MYO1H: variants seen among roughly 807,000 people sequenced by gnomAD.
MYO1H encodes unconventional myosin-Ih.
A neutral mutation model predicts 149.3 loss-of-function variants in MYO1H; 118 were observed. The observed-to-expected ratio is 0.79, with a 90% CI of 0.68 to 0.92. The LOEUF (loss-of-function observed/expected upper bound fraction) is 0.92. Among genes scored for constraint, MYO1H ranks in the 40% least tolerant of loss-of-function variants. The pLI, the probability that MYO1H is intolerant of heterozygous loss-of-function variation, is 0.00. For synonymous variants in MYO1H, 447 were observed against 465.2 expected, an observed-to-expected ratio of 0.96 and a Z score of 0.50; for missense variants, 1,212 against 1,280.7, an observed-to-expected ratio of 0.95 and a Z score of 0.82.
At chr12:109,349,390 T>TG (rs1385990956) in intron 1 of MYO1H, among the ~76,000 whole-genome samples, 2 of 152,080 alleles carry the variant, frequency 1.3e-5, no homozygotes, top group Non-Finnish European at 2.9e-5. Flanking sequence ...GGGCTGGGCA[T>TG]GGTGGCTTGT....
At position 109,445,580 on chromosome 12, in the gene MYO1H, G is replaced by C. The variant is rs539128825; in HGVS notation, c.3061G>C (p.Val1021Leu). The C allele has an allele frequency of 1.5e-4, 242 of 1,612,820 alleles. No homozygotes were observed. In the South Asian group the frequency reaches 2.5e-3, roughly 17 times the overall value. The change falls in exon 31 of 32, where the codon GTC becomes CTC. Residue 1021 changes from valine to leucine, a missense_variant. Coordinates refer to ENST00000310903, the Ensembl canonical transcript of MYO1H. ...TTTCGACACTGGACTGGAAGAACAA[G>C]TCTATAAAAATAAAAATGGACAATT...
At chr12:109,342,294 G>A in the MYO1H span, among the ~76,000 whole-genome samples, 22 of 151,330 alleles carry the variant, frequency 1.5e-4, no homozygotes, top group Non-Finnish European at 2.2e-4. Flanking sequence ...ACAGGCATGC[G>A]CCACCACGCT....
At chr12:109,364,171 T>TA (rs746308903) in intron 1 of MYO1H, among the ~76,000 whole-genome samples, 1,775 of 90,250 alleles carry the variant, frequency 0.02, 48 homozygotes, top group Middle Eastern at 0.029. Flanking sequence ...ACCATGTCTT[T>TA]AAAAAAAAAA....
rs372992926 is a variant in MYO1H, at chr12:109,414,331, G to T, written c.1503-1195G>T. On this transcript the variant is annotated intron_variant, in intron 14 of 31. Coordinates refer to ENST00000310903, the Ensembl canonical transcript of MYO1H. ...TCTCCACTAAAAATCCAAAAAATTA[G>T]CCAGGTGTGGTGGCTTACGCCTGTA... Among the ~76,000 whole-genome samples, 4 of 151,920 alleles carry T rather than the reference G, an allele frequency of 2.6e-5. No individual in the cohort carries two copies. In the South Asian group the frequency reaches 6.2e-4, roughly 24 times the overall value.
intron 19 of MYO1H, among the ~76,000 whole-genome samples, chr12:109,430,123 A>ACGAT (rs141680333): frequency 2.0e-4 from 30 of 152,326 alleles, no homozygotes; most frequent in Non-Finnish European, 3.4e-4. Context: ...GGGGACACAG[A>ACGAT]CGATCAGTCC....
At chr12:109,380,270 A>G (rs1007291449) in intron 1 of MYO1H, among the ~76,000 whole-genome samples, 2 of 152,210 alleles carry the variant, frequency 1.3e-5, no homozygotes, top group African/African-American at 2.4e-5. Flanking sequence ...AACAGGAGCT[A>G]GGTCTCTGAA....
chr12:109,412,518 G>T (rs1200211967), intron 14 of MYO1H, among the ~76,000 whole-genome samples: 1 of 152,026 alleles, frequency 6.6e-6, no homozygotes, highest in Admixed American at 6.6e-5. Flanking sequence ...ATTATATTTT[G>T]GACATGTCTA....
chr12:109,443,105 T>TATATGTGTGTATATATGTGTAC (rs1491566912), intron 27 of MYO1H, among the ~76,000 whole-genome samples: 3,574 of 53,028 alleles, frequency 0.067, 950 homozygotes, highest in Non-Finnish European at 0.092. Context: ...TATGTGTACG[T>TATATGTGTGTATATATGTGTAC]ATATGTGTGT....
At chr12:109,438,757 G>A in intron 23 of MYO1H, 137 bp downstream of exon 23, 1 of 655,342 alleles carries the variant, frequency 1.5e-6, no homozygotes, top group Non-Finnish European at 2.7e-6. Flanking sequence ...ATGCCATTAG[G>A]AATTCAGGTC....
intron 13 of MYO1H, 35 bp downstream of exon 13, chr12:109,410,803 C>T (rs1388763689): frequency 5.2e-6 from 7 of 1,351,302 alleles, no homozygotes; most frequent in Non-Finnish European, 7.3e-6. Context: ...GAGCTATTCA[C>T]CCGGCACTTA....
exon 17 of MYO1H, chr12:109,424,751 C>T (rs1281034597): frequency 2.5e-6 from 4 of 1,613,278 alleles, no homozygotes; most frequent in South Asian, 1.1e-5. Flanking sequence ...CTTACAGGTG[C>T]TGTGCAAGTC....
intron 1 of MYO1H, among the ~76,000 whole-genome samples, chr12:109,371,213 C>CTT (rs34350111): frequency 0.24 from 27,904 of 118,042 alleles, 3,679 homozygotes; most frequent in Admixed American, 0.33. Context: ...TTTTTTCTTT[C>CTT]TTTTTTTTTT....
rs554917998 is a variant in MYO1H, at chr12:109,403,972, T to C, written c.751-10T>C. On this transcript the variant is annotated splice_polypyrimidine_tract_variant and intron_variant, in intron 6 of 31. Transcript: ENST00000310903. ...AATGACATTAAGTGACTCAAACTTT[T>C]TGTCAACAGGGTCATTGTGCCAAAG... 5.2e-5 allele frequency: 83 copies of C among 1,607,426 alleles called. No individual in the cohort carries two copies. The South Asian group carries it at 8.3e-4, about 16-fold the overall frequency.
At chr12:109,358,156 T>A (rs1023463607) in intron 1 of MYO1H, among the ~76,000 whole-genome samples, 2 of 151,690 alleles carry the variant, frequency 1.3e-5, no homozygotes, top group African/African-American at 2.4e-5. Context: ...CAGAGGCAGT[T>A]TTCAATAACG....
rs1044253932 is a variant in MYO1H at position 109,433,150 on chromosome 12, C to T, written c.2063+140C>T. ...TTGCGAGATTTATGCTTCATCTACT[C>T]GATGTAAATGCAGCTCTTAATTCTT... On this transcript the variant is annotated intron_variant, in intron 20 of 31. Transcript: ENST00000310903. 1.3e-5 allele frequency: 9 copies of T among 693,142 alleles called. No homozygotes were observed. The East Asian group carries it at 1.3e-4, about 10-fold the overall frequency. 42.9% of individuals were successfully genotyped at this position (693,142 alleles called of 1,614,324 possible). A position where few individuals can be genotyped will look rare whatever the true frequency, so the allele number is the denominator to read the frequency against.
chr12:109,441,609 T>C lies in MYO1H; in HGVS notation c.2539-6T>C. ...CATTTTTATACTTTCAATTGTGTAT[T>C]ACCAGATGCAGCAAAAGGTAGTTAC... On this transcript the variant is annotated splice_polypyrimidine_tract_variant and splice_region_variant and intron_variant, in intron 25 of 31. Coordinates refer to ENST00000310903, the Ensembl canonical transcript of MYO1H. The C allele has an allele frequency of 1.9e-6, 3 of 1,602,454 alleles. No individual in the cohort carries two copies. In the South Asian group the frequency reaches 3.3e-5, roughly 18 times the overall value.
intron 22 of MYO1H, 80 bp downstream of exon 22, chr12:109,436,636 C>T: frequency 3.2e-6 from 3 of 936,056 alleles, no homozygotes; most frequent in Non-Finnish European, 5.1e-6. Context: ...TGAGTTCTCT[C>T]CCCCTGCTCA....
intron 19 of MYO1H, among the ~76,000 whole-genome samples, chr12:109,430,375 G>A (rs1871558347): frequency 6.6e-6 from 1 of 152,178 alleles, no homozygotes; most frequent in South Asian, 2.1e-4. Context: ...CAACCTGCAG[G>A]CATTTAGGGC....
At chr12:109,352,313 A>G (rs1868478544) in intron 1 of MYO1H, among the ~76,000 whole-genome samples, 1 of 152,202 alleles carries the variant, frequency 6.6e-6, no homozygotes. Flanking sequence ...GCTGAGGCCC[A>G]TGCATCTTGC....
Sources: gnomAD v4.1 joint callset for allele counts (sites outside exome capture counted in the v4.1 genomes callset) on GRCh38, gnomAD v4.1.1 for gene constraint, MANE v1.5 for transcripts, NCBI Gene and HGNC (gene_info 2026-07-23, HGNC 2026-07-21) for gene names.